Variants in ST6GALNAC3 observed in about 807,000 individuals in gnomAD.
ST6GALNAC3 encodes alpha-N-acetylgalactosaminide alpha-2,6-sialyltransferase 3.
In ST6GALNAC3, 25 loss-of-function variants were observed where a neutral mutation model predicts 32.7. That is an observed-to-expected ratio of 0.76 (90% CI 0.56 to 1.07). The LOEUF (loss-of-function observed/expected upper bound fraction) is 1.07. Ranked by LOEUF, ST6GALNAC3 falls within the 50% of genes least tolerant of loss-of-function variation. The pLI is 0.00. For missense variants in ST6GALNAC3, 355 were observed against 382.4 expected (o/e 0.93, Z 0.60); for synonymous variants, 129 against 133.1 (o/e 0.97, Z 0.21).
intron 3 of ST6GALNAC3, among the ~76,000 whole-genome samples, chr1:76,442,738 C>T (rs1656702588): frequency 6.6e-6 from 1 of 152,146 alleles, no homozygotes; most frequent in African/African-American, 2.4e-5. Flanking sequence ...GGCACCTTGG[C>T]ATAGTCCCTT....
intron 2 of ST6GALNAC3, among the ~76,000 whole-genome samples, chr1:76,385,125 A>T (rs557916962): frequency 4.6e-5 from 7 of 152,064 alleles, no homozygotes; most frequent in African/African-American, 1.7e-4. Context: ...ACACATGTTT[A>T]AAAAAAACCC....
intron 1 of ST6GALNAC3, among the ~76,000 whole-genome samples, chr1:76,093,120 A>G (rs1647072435): frequency 6.6e-6 from 1 of 152,364 alleles, no homozygotes; most frequent in Non-Finnish European, 1.5e-5. Flanking sequence ...GAAGAATTGC[A>G]TATCCTGGCT....
At chr1:76,107,670 C>T (rs1647630528) in intron 1 of ST6GALNAC3, among the ~76,000 whole-genome samples, 1 of 152,122 alleles carries the variant, frequency 6.6e-6, no homozygotes, top group African/African-American at 2.4e-5. Flanking sequence ...TTCTCTTGCC[C>T]CACCCGCCAG....
intron 3 of ST6GALNAC3, among the ~76,000 whole-genome samples, chr1:76,611,312 C>G (rs1647918929): frequency 1.3e-5 from 2 of 151,860 alleles, no homozygotes; most frequent in African/African-American, 4.8e-5. Flanking sequence ...CTATTTGTTT[C>G]TTCATATGCT....
intron 3 of ST6GALNAC3, among the ~76,000 whole-genome samples, chr1:76,463,856 G>A (rs1658448608): frequency 6.6e-6 from 1 of 152,092 alleles, no homozygotes; most frequent in South Asian, 2.1e-4. Context: ...GGTTTAACCA[G>A]GGGGAGCACT....
chr1:76,446,493 T>A (rs923985299), intron 3 of ST6GALNAC3, among the ~76,000 whole-genome samples: 35 of 152,302 alleles, frequency 2.3e-4, no homozygotes, highest in African/African-American at 8.2e-4. Flanking sequence ...TATTCAGCCC[T>A]CCCTCCTACT....
chr1:76,378,959 C>T lies in ST6GALNAC3; in HGVS notation c.214-33049C>T, dbSNP rs549179414. Among the ~76,000 whole-genome samples the T allele has an allele frequency of 1.3e-4, 20 of 152,260 alleles. No homozygotes were observed. The South Asian group carries it at 2.5e-3, about 19-fold the overall frequency. ...TCGCCCAGGCTGGAGTGCAGTGGCGCGATCTTGGCTCACTGCAACCTCTGC... is the reference window on the plus strand; with the variant it reads ...TCGCCCAGGCTGGAGTGCAGTGGCGTGATCTTGGCTCACTGCAACCTCTGC... On this transcript the variant is annotated intron_variant, in intron 2 of 4. Transcript: ENST00000328299.
intron 3 of ST6GALNAC3, among the ~76,000 whole-genome samples, chr1:76,422,479 T>C (rs1207645730): frequency 1.3e-5 from 2 of 152,088 alleles, no homozygotes; most frequent in Non-Finnish European, 2.9e-5. Context: ...CAGAATTGAT[T>C]TCTGATTTCT....
At chr1:76,334,120 G>A (rs990605965) in intron 2 of ST6GALNAC3, among the ~76,000 whole-genome samples, 2 of 147,994 alleles carry the variant, frequency 1.4e-5, no homozygotes, top group African/African-American at 5.2e-5. Flanking sequence ...ACTGGATAAG[G>A]CTGTTCTTAA....
intron 3 of ST6GALNAC3, among the ~76,000 whole-genome samples, chr1:76,524,736 A>G (rs1196077422): frequency 2.0e-5 from 3 of 151,004 alleles, no homozygotes; most frequent in Non-Finnish European, 4.4e-5. Context: ...TTTTTACAGA[A>G]CGTGGTATAT....
chr1:76,596,253 T>A (rs1327634205), intron 3 of ST6GALNAC3, among the ~76,000 whole-genome samples: 2 of 152,186 alleles, frequency 1.3e-5, no homozygotes, highest in Non-Finnish European at 2.9e-5. Flanking sequence ...AACGTAGTCA[T>A]GCCTCTTTTA....
chr1:76,187,281 C>T (rs535260535), intron 1 of ST6GALNAC3, among the ~76,000 whole-genome samples: 1 of 152,204 alleles, frequency 6.6e-6, no homozygotes, highest in Non-Finnish European at 1.5e-5. Context: ...TGTTTTCCAT[C>T]CTGAAGTTCT....
intron 3 of ST6GALNAC3, among the ~76,000 whole-genome samples, chr1:76,606,140 T>C (rs965185173): frequency 2.1e-4 from 32 of 152,120 alleles, no homozygotes; most frequent in African/African-American, 7.7e-4. Flanking sequence ...AGTTCAACCA[T>C]TGTGGAAGAC....
Position 76,434,784 on chromosome 1 carries a change from G to GTTTTTTT in ST6GALNAC3, c.623+22385_623+22391dup, listed in dbSNP as rs1211703628. Among the ~76,000 whole-genome samples, 75 of 72,208 alleles carry GTTTTTTT rather than the reference G, an allele frequency of 1.0e-3. 1 individual carries two copies. The highest frequency in any genetic ancestry group is 1.3e-3 in the Non-Finnish European group (52 of 39,916). 47.4% of individuals were successfully genotyped at this position (72,208 alleles called of 152,430 possible). ...CTTTTTACTGCCTTTTTTTTTCTCT[G>GTTTTTTT]TTTTTTTTTTTTTTTTTTTTTTTTG... On this transcript the variant is annotated intron_variant, in intron 3 of 4. Transcript: ENST00000328299.
chr1:76,174,801 G>C (rs1223683912), intron 1 of ST6GALNAC3, among the ~76,000 whole-genome samples: 1 of 151,772 alleles, frequency 6.6e-6, no homozygotes, highest in East Asian at 1.9e-4. Context: ...CAAGTAGCTG[G>C]GATCACAGGT....
chr1:76,349,768 G>A (rs1648820761), intron 2 of ST6GALNAC3, among the ~76,000 whole-genome samples: 1 of 152,128 alleles, frequency 6.6e-6, no homozygotes, highest in South Asian at 2.1e-4. Flanking sequence ...CCTTCCCAAA[G>A]TTGGATCATT....
intron 2 of ST6GALNAC3, among the ~76,000 whole-genome samples, chr1:76,357,428 T>C (rs562206431): frequency 8.5e-5 from 13 of 152,242 alleles, no homozygotes; most frequent in African/African-American, 3.1e-4. Flanking sequence ...CCTTATTTCC[T>C]AGCACTCATC....
chr1:76,498,930 A>G (rs895736331), intron 3 of ST6GALNAC3, among the ~76,000 whole-genome samples: 2 of 152,170 alleles, frequency 1.3e-5, no homozygotes, highest in Non-Finnish European at 2.9e-5. Flanking sequence ...TAAGAATGTA[A>G]GTCTCCTGCA....
At chr1:76,448,125 A>T (rs949319489) in intron 3 of ST6GALNAC3, among the ~76,000 whole-genome samples, 18 of 152,178 alleles carry the variant, frequency 1.2e-4, no homozygotes, top group Admixed American at 1.2e-3. Context: ...ACCCAAGACC[A>T]TGGGAACCCA....
Sources: gnomAD v4.1 joint callset for allele counts (sites outside exome capture counted in the v4.1 genomes callset) on GRCh38, gnomAD v4.1.1 for gene constraint, MANE v1.5 for transcripts, NCBI Gene and HGNC (gene_info 2026-07-23, HGNC 2026-07-21) for gene names.